CMTM4: variants seen among roughly 807,000 people sequenced by gnomAD.
The protein encoded by CMTM4 is CKLF-like MARVEL transmembrane domain-containing protein 4.
CMTM4 carries 8 observed loss-of-function variants against 19.0 expected under a neutral mutation model. That is an observed-to-expected ratio of 0.42 (90% CI 0.25 to 0.76). The LOEUF (loss-of-function observed/expected upper bound fraction) is 0.76, where lower values mean the gene tolerates loss of function less well. Among genes scored for constraint, CMTM4 ranks in the 30% least tolerant of loss-of-function variants. CMTM4 has a pLI of 0.27. For missense variants in CMTM4, 228 were observed against 290.2 expected (o/e 0.79, Z 1.56); for synonymous variants, 106 against 121.1 (o/e 0.88, Z 0.82).
chr16:66,659,201 G>A (rs767584187), intron 1 of CMTM4, among the ~76,000 whole-genome samples: 6 of 151,850 alleles, frequency 4.0e-5, no homozygotes, highest in Non-Finnish European at 8.8e-5. Context: ...CCAATATTGC[G>A]TTGTCACTAC....
Position 66,621,995 on chromosome 16 carries a change from G to A in CMTM4, c.*63C>T. 1 of 1,517,718 alleles carries A rather than the reference G, an allele frequency of 6.6e-7. No homozygotes were observed. Among genetic ancestry groups the A allele is most frequent in the Non-Finnish European group, 8.9e-7 (1 of 1,125,576 alleles). 94.0% of individuals were successfully genotyped at this position (1,517,718 alleles called of 1,614,324 possible). A position where few individuals can be genotyped will look rare whatever the true frequency, so the allele number is the denominator to read the frequency against. On this transcript the variant is annotated 3_prime_UTR_variant, in exon 4 of 4. Coordinates refer to ENST00000394106, the MANE Select transcript of CMTM4 (RefSeq NM_181521.3). The stretch of plus-strand genomic sequence containing the variant: ...TCACATGGAAATCTGACAGGACAAG[G>A]GAAAGAAAACTTGACTGAGAGACAG...
chr16:66,679,250 A>C (rs2016864044), intron 1 of CMTM4, among the ~76,000 whole-genome samples: 1 of 152,154 alleles, frequency 6.6e-6, no homozygotes, highest in African/African-American at 2.4e-5. Context: ...TCTGCTGGCA[A>C]GAAGGATGAC....
intron 1 of CMTM4, among the ~76,000 whole-genome samples, chr16:66,645,276 C>T (rs1414405902): frequency 1.3e-5 from 2 of 148,806 alleles, no homozygotes; most frequent in Non-Finnish European, 3.0e-5. Context: ...AAGAGCAAAA[C>T]TCCATCTCAA....
chr16:66,671,576 C>T (rs2016708173), intron 1 of CMTM4, among the ~76,000 whole-genome samples: 1 of 152,118 alleles, frequency 6.6e-6, no homozygotes, highest in South Asian at 2.1e-4. Flanking sequence ...CCTGAACCTC[C>T]AAGGAAAGTG....
chr16:66,665,637 G>A (rs1428207959), intron 1 of CMTM4, among the ~76,000 whole-genome samples: 2 of 152,144 alleles, frequency 1.3e-5, no homozygotes, highest in Admixed American at 6.5e-5. Context: ...CCAGCTACTC[G>A]GGAGGCTGAG....
intron 2 of CMTM4, among the ~76,000 whole-genome samples, chr16:66,632,068 A>G (rs1002319516): frequency 3.3e-5 from 5 of 152,246 alleles, no homozygotes; most frequent in South Asian, 2.1e-4. Flanking sequence ...GTTCTGAGAT[A>G]GAGGCCTAAG....
At chr16:66,612,278 C>A (rs529572029), downstream of CMTM4, among the ~76,000 whole-genome samples, 7 of 152,176 alleles carry the variant, frequency 4.6e-5, no homozygotes, top group African/African-American at 1.7e-4. This position sits in a 1 kb window ranked among gnomAD's most constrained non-coding sequence, Gnocchi z 6.0. Context: ...TGGTGGCACA[C>A]GCTTATAATC....
At chr16:66,662,847 T>C (rs1243881384) in intron 1 of CMTM4, among the ~76,000 whole-genome samples, 1 of 152,198 alleles carries the variant, frequency 6.6e-6, no homozygotes, top group Non-Finnish European at 1.5e-5. Context: ...TATAAACTCC[T>C]GTTTATAAAT....
chr16:66,608,299 T>C, the CMTM4 span: 5 of 1,613,958 alleles, frequency 3.1e-6, no homozygotes, highest in Non-Finnish European at 4.2e-6. This position sits in a 1 kb window ranked among gnomAD's most constrained non-coding sequence, Gnocchi z 5.1. Flanking sequence ...CTCAAACTCC[T>C]TCCCCGCAGG....
rs373077655 is a variant in CMTM4 at position 66,662,374 on chromosome 16, C to A, written c.187-25793G>T. Reference sequence around the variant, plus strand: ...CTAAGGAGCCTCAAACCCAGAAAAACCCAGAAAAGAGAGCCTGGTATAGAT... The same window carrying A: ...CTAAGGAGCCTCAAACCCAGAAAAAACCAGAAAAGAGAGCCTGGTATAGAT... On this transcript the variant is annotated intron_variant, in intron 1 of 3. Transcript: ENST00000394106. 2.9e-4 allele frequency among the ~76,000 whole-genome samples: 44 copies of A among 152,306 alleles called. No homozygotes were observed. In the South Asian group the frequency reaches 8.7e-3, roughly 30 times the overall value.
chr16:66,695,082 C>A (rs2017206559), intron 1 of CMTM4, among the ~76,000 whole-genome samples: 1 of 152,144 alleles, frequency 6.6e-6, no homozygotes, highest in African/African-American at 2.4e-5. Context: ...CACGGTGGCT[C>A]ATGCCTGTAA....
At chr16:66,647,720 A>C (rs1441617642) in intron 1 of CMTM4, among the ~76,000 whole-genome samples, 1 of 152,066 alleles carries the variant, frequency 6.6e-6, no homozygotes, top group Non-Finnish European at 1.5e-5. Context: ...TTTTTTTAAA[A>C]AAAAATGAGT....
intron 1 of CMTM4, among the ~76,000 whole-genome samples, chr16:66,691,118 A>T (rs923225945): frequency 3.3e-5 from 5 of 150,506 alleles, no homozygotes; most frequent in Non-Finnish European, 7.4e-5. Flanking sequence ...AATCTGTCTT[A>T]AAAAAAAAAT....
At chr16:66,639,258 G>C (rs764590297) in intron 1 of CMTM4, among the ~76,000 whole-genome samples, 6 of 151,950 alleles carry the variant, frequency 3.9e-5, no homozygotes. Context: ...AGTAATCTTG[G>C]GCAAGAAATA....
At chr16:66,606,823 T>G in the CMTM4 span, among the ~76,000 whole-genome samples, 1 of 152,080 alleles carries the variant, frequency 6.6e-6, no homozygotes, top group African/African-American at 2.4e-5. Flanking sequence ...TGAAACCCTG[T>G]CTCTACTAAA....
At chr16:66,665,924 T>A (rs1220062134) in intron 1 of CMTM4, among the ~76,000 whole-genome samples, 1 of 150,100 alleles carries the variant, frequency 6.7e-6, no homozygotes, top group Non-Finnish European at 1.5e-5. Flanking sequence ...CACAAAAAAT[T>A]AGCAGGGCAT....
At position 66,696,591 on chromosome 16, in the gene CMTM4, G is replaced by A. The variant is rs1447492885; in HGVS notation, c.-66C>T. The A allele has an allele frequency of 3.0e-6, 3 of 1,007,648 alleles. No individual in the cohort carries two copies. The highest frequency in any genetic ancestry group is 1.7e-5 in the African/African-American group (1 of 57,226). The allele number at this position is 1,007,648 out of a possible 1,614,324, so 62.4% of individuals were successfully genotyped here. A position where few individuals can be genotyped will look rare whatever the true frequency, so the allele number is the denominator to read the frequency against. ...GGCGCCAGGAGCGGGCGGACTCAGC[G>A]GGGCCGCCGCATCGCCGCCGCCGCC... On this transcript the variant is annotated 5_prime_UTR_variant, in exon 1 of 4. Transcript: ENST00000394106. This position sits in a 1 kb window ranked among gnomAD's most constrained non-coding sequence, Gnocchi z 4.3.
intron 1 of CMTM4, among the ~76,000 whole-genome samples, chr16:66,678,034 C>G (rs1193325779): frequency 6.6e-6 from 1 of 152,034 alleles, no homozygotes; most frequent in African/African-American, 2.4e-5. Context: ...TGACCAGGGT[C>G]AGGTGTGGTG....
rs1297166344 is a variant in CMTM4 at position 66,683,178 on chromosome 16, TATGTATATATATATAC to T, written c.186+13146_186+13161del. ...ATATATACGTATATATATATATACA[TATGTATATATATATAC>T]ATATATATATATATATAAATTTTCC... On this transcript the variant is annotated intron_variant, in intron 1 of 3. Coordinates refer to ENST00000394106, the MANE Select transcript of CMTM4 (RefSeq NM_181521.3). Among the ~76,000 whole-genome samples the T allele has an allele frequency of 1.6e-3, 132 of 83,626 alleles. 1 individual carries two copies. The highest frequency in any genetic ancestry group is 6.8e-3 in the Middle Eastern group (1 of 146). 54.9% of individuals were successfully genotyped at this position (83,626 alleles called of 152,430 possible).
Sources: allele counts gnomAD v4.1 joint callset (sites outside exome capture counted in the v4.1 genomes callset), GRCh38; gene constraint gnomAD v4.1.1; non-coding constraint Gnocchi (gnomAD v3.1); transcripts MANE v1.5; gene names NCBI Gene and HGNC (gene_info 2026-07-23, HGNC 2026-07-21).